The following TMEM108 variants were observed in gnomAD, a reference collection of about 807,000 sequenced individuals.
TMEM108 encodes the protein cancer/testis antigen 124.
In TMEM108, 12 loss-of-function variants were observed where a neutral mutation model predicts 35.1. The ratio of observed to expected loss-of-function variants is 0.34; its 90% CI spans 0.22 to 0.55. TMEM108 has a LOEUF of 0.55. TMEM108 is among the 20% of genes least tolerant of loss of function. TMEM108 has a pLI of 0.89. For missense variants in TMEM108, 680 were observed against 753.3 expected (o/e 0.90, Z 1.14); for synonymous variants, 287 against 308.6 (o/e 0.93, Z 0.73).
chr3:133,178,746 T>C (rs1251560556), intron 2 of TMEM108, among the ~76,000 whole-genome samples: 3 of 152,224 alleles, frequency 2.0e-5, no homozygotes, highest in Non-Finnish European at 4.4e-5. Flanking sequence ...GACATAGGCA[T>C]GGGCAAGGAC....
At chr3:133,259,235 A>C (rs146440997) in intron 3 of TMEM108, among the ~76,000 whole-genome samples, 1 of 152,210 alleles carries the variant, frequency 6.6e-6, no homozygotes, top group Non-Finnish European at 1.5e-5. Context: ...CTGTGGTGAG[A>C]TGTCATTCTT....
intron 3 of TMEM108, among the ~76,000 whole-genome samples, chr3:133,340,622 C>A (rs865809889): frequency 2.7e-5 from 4 of 150,710 alleles, no homozygotes; most frequent in South Asian, 4.2e-4. Context: ...AAAAAACAAA[C>A]AAAAAAACTA....
chr3:133,236,358 T>C (rs1435615952), intron 3 of TMEM108, among the ~76,000 whole-genome samples: 1 of 152,076 alleles, frequency 6.6e-6, no homozygotes, highest in African/African-American at 2.4e-5. Context: ...ACTACTGGTA[T>C]GGATTTGGAC....
At chr3:133,362,426 A>G (rs2107795947) in intron 3 of TMEM108, among the ~76,000 whole-genome samples, 2 of 152,244 alleles carry the variant, frequency 1.3e-5, no homozygotes, top group South Asian at 4.2e-4. Context: ...ATGTGGCCAG[A>G]GCTACCAAAT....
At chr3:133,071,124 C>G (rs962950032) in intron 2 of TMEM108, among the ~76,000 whole-genome samples, 1 of 152,118 alleles carries the variant, frequency 6.6e-6, no homozygotes, top group African/African-American at 2.4e-5. Flanking sequence ...AAATAAGTTG[C>G]AACATAGGCT....
chr3:133,360,029 C>CAAAAAAAAAAAAAAAAAAAAAAAA (rs2072297518), intron 3 of TMEM108, among the ~76,000 whole-genome samples: 1 of 114,366 alleles, frequency 8.7e-6, no homozygotes, highest in African/African-American at 3.0e-5. Flanking sequence ...AAAAAAAAAG[C>CAAAAAAAAAAAAAAAAAAAAAAAA]AAACCACTGA....
chr3:133,314,460 A>G (rs2071171864), intron 3 of TMEM108, among the ~76,000 whole-genome samples: 1 of 152,232 alleles, frequency 6.6e-6, no homozygotes, highest in Admixed American at 6.5e-5. Flanking sequence ...ATCAACTCCA[A>G]TTCTTAGACT....
chr3:133,294,101 T>A (rs1947110380), intron 3 of TMEM108, among the ~76,000 whole-genome samples: 1 of 152,200 alleles, frequency 6.6e-6, no homozygotes, highest in African/African-American at 2.4e-5. Context: ...TTTGAATGAA[T>A]TTAATTTACT....
At chr3:133,308,456 C>T (rs912312342) in intron 3 of TMEM108, among the ~76,000 whole-genome samples, 10 of 152,146 alleles carry the variant, frequency 6.6e-5, no homozygotes, top group Non-Finnish European at 1.2e-4. Flanking sequence ...AAAGGGAATG[C>T]TTCCAGTTTT....
intron 2 of TMEM108, among the ~76,000 whole-genome samples, chr3:133,221,660 CTTTTTTTTT>C (rs3078806): frequency 3.1e-3 from 188 of 60,368 alleles, no homozygotes; most frequent in African/African-American, 0.011. Flanking sequence ...ACATTGATTC[CTTTTTTTTT>C]TTTTTTTTTT....
chr3:133,149,266 A>G (rs182704154), intron 2 of TMEM108, among the ~76,000 whole-genome samples: 12 of 152,320 alleles, frequency 7.9e-5, no homozygotes, highest in Admixed American at 3.9e-4. Context: ...TATTTAAGGT[A>G]TACACTGTCA....
rs945610329 is a variant in TMEM108, at chr3:133,291,577, C to A, written c.40+62226C>A. On this transcript the variant is annotated intron_variant, in intron 3 of 5. Coordinates refer to ENST00000321871, the MANE Select transcript of TMEM108 (RefSeq NM_023943.4). ...ACAGGCGTGAGCCAGCACACCAGGC[C>A]TACCAGTGAGTTTTTTTTAATGGGA... Among the ~76,000 whole-genome samples, 6 of 141,266 alleles carry A rather than the reference C, an allele frequency of 4.2e-5. No homozygotes were observed. The East Asian group carries it at 1.4e-3, about 32-fold the overall frequency. 92.7% of individuals were successfully genotyped at this position (141,266 alleles called of 152,430 possible).
At chr3:133,173,444 A>G (rs998606250) in intron 2 of TMEM108, among the ~76,000 whole-genome samples, 1 of 152,246 alleles carries the variant, frequency 6.6e-6, no homozygotes, top group East Asian at 1.9e-4. Context: ...TCATCTGCTG[A>G]GGTCAACCAG....
chr3:133,119,213 GA>G (rs1164753878), intron 2 of TMEM108: 1 of 151,384 alleles, frequency 6.6e-6, no homozygotes, highest in East Asian at 1.9e-4. Flanking sequence ...TACCAGATAG[GA>G]GGAGAAGAAA....
intron 3 of TMEM108, among the ~76,000 whole-genome samples, chr3:133,310,411 G>A (rs2071109705): frequency 6.6e-6 from 1 of 152,000 alleles, no homozygotes; most frequent in Non-Finnish European, 1.5e-5. Context: ...ATATATTTAG[G>A]ATAATTAGCT....
At chr3:133,105,535 T>A (rs1254515407) in intron 2 of TMEM108, among the ~76,000 whole-genome samples, 1 of 152,174 alleles carries the variant, frequency 6.6e-6, no homozygotes, top group Non-Finnish European at 1.5e-5. Flanking sequence ...TCATTAGTAA[T>A]CTTAATTCTT....
intron 2 of TMEM108, among the ~76,000 whole-genome samples, chr3:133,181,427 G>A (rs2107804223): frequency 6.6e-6 from 1 of 152,242 alleles, no homozygotes; most frequent in Admixed American, 6.5e-5. Context: ...ATGTGTGTGT[G>A]TTTAATTTCC....
chr3:133,322,103 G>C (rs1278461086), intron 3 of TMEM108, among the ~76,000 whole-genome samples: 1 of 152,000 alleles, frequency 6.6e-6, no homozygotes, highest in Non-Finnish European at 1.5e-5. Flanking sequence ...GACAGTCTAA[G>C]GTTACACCTC....
intron 2 of TMEM108, among the ~76,000 whole-genome samples, chr3:133,144,185 G>A (rs556386270): frequency 2.0e-5 from 3 of 151,856 alleles, no homozygotes; most frequent in South Asian, 2.1e-4. Flanking sequence ...ATGTGTTCTC[G>A]CTATTCAACT....
Sources: allele counts gnomAD v4.1 joint callset (sites outside exome capture counted in the v4.1 genomes callset), GRCh38; gene constraint gnomAD v4.1.1; transcripts MANE v1.5; gene names NCBI Gene and HGNC (gene_info 2026-07-23, HGNC 2026-07-21).